The following THSD7B variants were observed in gnomAD, a reference collection of about 807,000 sequenced individuals.
THSD7B encodes the protein thrombospondin type 1 domain containing 7B, also known as thrombospondin type-1 domain-containing protein 7B.
THSD7B carries 138 observed loss-of-function variants against 213.6 expected under a neutral mutation model. The observed-to-expected ratio is 0.65, with a 90% confidence interval of 0.56 to 0.74. THSD7B has a LOEUF of 0.74. THSD7B is among the 30% of genes least tolerant of loss of function. The pLI, the probability that THSD7B is intolerant of heterozygous loss-of-function variation, is 0.00. For synonymous variants in THSD7B, 742 were observed against 687.0 expected (o/e 1.08, Z -1.25); for missense variants, 1,931 against 1,991.5 (o/e 0.97, Z 0.58).
chr2:137,265,240 A>C (rs1301085963), intron 10 of THSD7B, among the ~76,000 whole-genome samples: 3 of 152,216 alleles, frequency 2.0e-5, no homozygotes, highest in Admixed American at 2.0e-4. Context: ...CCATCAGAGA[A>C]ATGCAAATCA....
chr2:137,043,248 A>G (rs572504748), intron 2 of THSD7B, among the ~76,000 whole-genome samples: 3 of 152,260 alleles, frequency 2.0e-5, no homozygotes, highest in South Asian at 2.1e-4. Context: ...AGGGTCCCCA[A>G]TTATTTCCTC....
At chr2:136,926,298 A>T (rs188260889) in intron 2 of THSD7B, among the ~76,000 whole-genome samples, 1 of 150,492 alleles carries the variant, frequency 6.6e-6, no homozygotes, top group Non-Finnish European at 1.5e-5. Flanking sequence ...ATTGGCTCTG[A>T]CTCCCTGCCT....
intron 2 of THSD7B, among the ~76,000 whole-genome samples, chr2:136,953,743 A>G (rs1277549088): frequency 6.6e-6 from 1 of 152,186 alleles, no homozygotes; most frequent in East Asian, 1.9e-4. Context: ...GCAAATAAAC[A>G]TCTATTGGTA....
chr2:137,551,380 T>A (rs1283684648), intron 15 of THSD7B, among the ~76,000 whole-genome samples: 1 of 152,158 alleles, frequency 6.6e-6, no homozygotes, highest in African/African-American at 2.4e-5. Context: ...AATTAAAATT[T>A]CATTAATCAC....
intron 15 of THSD7B, among the ~76,000 whole-genome samples, chr2:137,525,216 T>C (rs1043256364): frequency 1.3e-5 from 2 of 152,198 alleles, no homozygotes; most frequent in African/African-American, 4.8e-5. Context: ...GATCATGGAC[T>C]GCTGCAGAAA....
intron 15 of THSD7B, among the ~76,000 whole-genome samples, chr2:137,485,261 C>A (rs1688406915): frequency 6.9e-6 from 1 of 144,296 alleles, no homozygotes; most frequent in Non-Finnish European, 1.5e-5. Flanking sequence ...TTTCCCAGCA[C>A]CATTTATTAA....
intron 5 of THSD7B, among the ~76,000 whole-genome samples, chr2:137,159,610 G>A (rs975451848): frequency 3.3e-5 from 5 of 152,144 alleles, no homozygotes; most frequent in African/African-American, 9.7e-5. Context: ...AGAGACAGAA[G>A]CTACTAGTCA....
intron 9 of THSD7B, among the ~76,000 whole-genome samples, chr2:137,234,750 G>T (rs1449712587): frequency 6.6e-6 from 1 of 152,146 alleles, no homozygotes; most frequent in African/African-American, 2.4e-5. Flanking sequence ...GTTTGCCAAG[G>T]ATTGGATATG....
chr2:137,104,776 A>G (rs1054078115), intron 4 of THSD7B, among the ~76,000 whole-genome samples: 1 of 152,232 alleles, frequency 6.6e-6, no homozygotes, highest in African/African-American at 2.4e-5. Context: ...AATACTATGA[A>G]CATCTGTACG....
intron 3 of THSD7B, among the ~76,000 whole-genome samples, chr2:137,072,679 G>T (rs572023096): frequency 6.6e-6 from 1 of 152,260 alleles, no homozygotes; most frequent in East Asian, 1.9e-4. Flanking sequence ...CCTGTCTTGT[G>T]CCCGTTTTCA....
chr2:137,656,185 A>G (rs183705620), intron 22 of THSD7B, among the ~76,000 whole-genome samples: 250 of 152,296 alleles, frequency 1.6e-3, no homozygotes, highest in African/African-American at 5.5e-3. Flanking sequence ...GTAACACAAC[A>G]TAGTTTGTAT....
chr2:137,292,683 T>G (rs528005378), intron 12 of THSD7B, among the ~76,000 whole-genome samples: 1 of 152,252 alleles, frequency 6.6e-6, no homozygotes, highest in Admixed American at 6.5e-5. Context: ...TTACCTACCA[T>G]ATTAGATTAT....
At chr2:136,976,423 T>C (rs931760545) in intron 2 of THSD7B, among the ~76,000 whole-genome samples, 18 of 152,224 alleles carry the variant, frequency 1.2e-4, no homozygotes, top group Admixed American at 9.8e-4. Flanking sequence ...TCTATTGAGA[T>C]AACCCCATGT....
chr2:136,783,621 A>G (rs939080737), intron 1 of THSD7B, among the ~76,000 whole-genome samples: 2 of 152,252 alleles, frequency 1.3e-5, no homozygotes, highest in Non-Finnish European at 2.9e-5. Flanking sequence ...TAGAGAGGCT[A>G]TAAAAGCTAA....
At chr2:137,341,066 C>A (rs557720417) in intron 12 of THSD7B, among the ~76,000 whole-genome samples, 44 of 150,714 alleles carry the variant, frequency 2.9e-4, no homozygotes, top group African/African-American at 1.0e-3. Context: ...CCAACAGTTC[C>A]CTTTTCTCGA....
intron 21 of THSD7B, among the ~76,000 whole-genome samples, chr2:137,649,031 T>G (rs1683089888): frequency 6.6e-6 from 1 of 151,924 alleles, no homozygotes; most frequent in Non-Finnish European, 1.5e-5. Context: ...AATGTTGAAC[T>G]TTTTTTTCAT....
chr2:137,039,794 G>A (rs769652671), intron 2 of THSD7B, among the ~76,000 whole-genome samples: 10 of 152,172 alleles, frequency 6.6e-5, no homozygotes, highest in Admixed American at 1.3e-4. Context: ...GCTTCCCCCC[G>A]TTTAAACTAT....
intron 3 of THSD7B, among the ~76,000 whole-genome samples, chr2:137,083,811 T>A (rs1459890263): frequency 5.3e-5 from 8 of 152,166 alleles, no homozygotes; most frequent in Admixed American, 3.9e-4. Flanking sequence ...TATGCTATAA[T>A]TTGGGCAAGC....
intron 25 of THSD7B, among the ~76,000 whole-genome samples, chr2:137,662,229 ATT>A: frequency 9.8e-6 from 1 of 101,830 alleles, no homozygotes; most frequent in Admixed American, 1.0e-4. Flanking sequence ...CGCCCGGCTA[ATT>A]TTTTTTTTTT....
Sources: gnomAD v4.1 joint callset for allele counts (sites outside exome capture counted in the v4.1 genomes callset) on GRCh38, gnomAD v4.1.1 for gene constraint, MANE v1.5 for transcripts, NCBI Gene and HGNC (gene_info 2026-07-23, HGNC 2026-07-21) for gene names.